Variants in PTPRS observed in about 807,000 individuals in gnomAD.
PTPRS encodes the protein receptor-type tyrosine-protein phosphatase S.
PTPRS carries 63 observed loss-of-function variants against 215.3 expected under a neutral mutation model. The observed-to-expected ratio is 0.29, with a 90% CI of 0.24 to 0.36. The LOEUF is 0.36. PTPRS is among the 10% of genes least tolerant of loss of function. PTPRS has a pLI of 1.00. For missense variants in PTPRS, 2,258 were observed against 2,825.8 expected, an observed-to-expected ratio of 0.80 and a Z score of 4.56; for synonymous variants, 1,404 against 1,191.4, an observed-to-expected ratio of 1.18 and a Z score of -3.68.
At chr19:5,335,387 A>G (rs779776757) in intron 1 of PTPRS, among the ~76,000 whole-genome samples, 17 of 152,226 alleles carry the variant, frequency 1.1e-4, no homozygotes, top group Admixed American at 3.3e-4. Context: ...GCACAGCTCA[A>G]GTGAGGAGGG....
intron 16 of PTPRS, among the ~76,000 whole-genome samples, chr19:5,228,347 G>GGAAAAAAAAAA (rs755255407): frequency 1.1e-4 from 12 of 105,868 alleles, no homozygotes; most frequent in African/African-American, 5.1e-4. Flanking sequence ...TCCGTCTGGA[G>GGAAAAAAAAAA]AAAAAAAAAA....
Position 5,223,131 on chromosome 19 carries a change from C to A in PTPRS, c.2661G>T (p.Glu887Asp). Residue 887 changes from glutamate to aspartate, a missense_variant, in exon 18 of 38, where the codon GAG becomes GAT. By Grantham distance (45) the Glu-to-Asp change is conservative. Coordinates refer to ENST00000262963, the MANE Select transcript of PTPRS (RefSeq NM_002850.4). ...GCACGCCTGATGCCGTGTAGCGGTCCTCGGAGGGCGGGAACTCCAGGGTGG... is the reference window on the plus strand; with the variant it reads ...GCACGCCTGATGCCGTGTAGCGGTCATCGGAGGGCGGGAACTCCAGGGTGG... ...PLATLEFPPSEDRYTASGVHK... is the reference protein window; with the variant it reads ...PLATLEFPPSDDRYTASGVHK... The A allele has an allele frequency of 6.4e-7, 1 of 1,569,814 alleles. No homozygotes were observed. The highest frequency in any genetic ancestry group is 8.6e-7 in the Non-Finnish European group (1 of 1,157,750).
At chr19:5,253,641 A>G (rs1472226597) in intron 9 of PTPRS, among the ~76,000 whole-genome samples, 1 of 152,214 alleles carries the variant, frequency 6.6e-6, no homozygotes, top group Admixed American at 6.5e-5. Flanking sequence ...TGAGATCATG[A>G]GATGAGCTCA....
intron 2 of PTPRS, among the ~76,000 whole-genome samples, chr19:5,276,849 T>A (rs1000752179): frequency 3.3e-5 from 5 of 152,168 alleles, no homozygotes; most frequent in Non-Finnish European, 7.3e-5. Context: ...TGAGTATGCC[T>A]ATTTTAACAT....
In PTPRS at chr19:5,219,560, C is replaced by T. The variant is rs78345343; in HGVS notation, c.3766-93G>A. On this transcript the variant is annotated intron_variant, in intron 22 of 37. Transcript: ENST00000262963. Reference sequence around the variant, plus strand: ...CAAACATGAACCTACGTTTCTCCCCCGCTCTAGATCCTCCTATATTCCTAG... The same window carrying T: ...CAAACATGAACCTACGTTTCTCCCCTGCTCTAGATCCTCCTATATTCCTAG... The T allele has an allele frequency of 7.2e-3, 10,186 of 1,405,126 alleles. 558 individuals are homozygous for T. The African/African-American group carries it at 0.12, about 17-fold the overall frequency. 87.0% of individuals were successfully genotyped at this position (1,405,126 alleles called of 1,614,324 possible). A position where few individuals can be genotyped will look rare whatever the true frequency, so the allele number is the denominator to read the frequency against.
Position 5,221,238 on chromosome 19 carries a change from G to A in PTPRS, c.3217C>T (p.Leu1073Phe), listed in dbSNP as rs138649939. The change falls in exon 20 of 38, where the codon CTC becomes TTC. Residue 1073 changes from leucine to phenylalanine, a missense_variant. Leu to Phe is a conservative substitution (Grantham distance 22). Transcript: ENST00000262963. ...PTPYKIQYNGLTLDVDGRTTK... is the reference protein window; with the variant it reads ...PTPYKIQYNGFTLDVDGRTTK... The stretch of plus-strand genomic sequence containing the variant: ...GTACGGCCATCCACATCCAGTGTGA[G>A]CCCATTGTACTGGATCTGCGGACCA... 3.5e-5 allele frequency: 56 copies of A among 1,613,262 alleles called. No individual in the cohort carries two copies. The highest frequency in any genetic ancestry group is 4.2e-5 in the Non-Finnish European group (50 of 1,179,634).
In PTPRS at chr19:5,338,819, G is replaced by C. The variant is rs1275799521; in HGVS notation, c.-95+1845C>G. On this transcript the variant is annotated intron_variant, in intron 1 of 37. Transcript: ENST00000262963. This position sits in a 1 kb window ranked among gnomAD's most constrained non-coding sequence, Gnocchi z 4.2. Reference sequence around the variant, plus strand: ...GCTGGTATCGCAGGAGCAGAGGAGCGGGATGGCTTCCTTCTCCCGGGCGAA... The same window carrying C: ...GCTGGTATCGCAGGAGCAGAGGAGCCGGATGGCTTCCTTCTCCCGGGCGAA... Among the ~76,000 whole-genome samples the C allele has an allele frequency of 2.0e-5, 3 of 152,160 alleles. No homozygotes were observed. Among genetic ancestry groups the C allele is most frequent in the Non-Finnish European group, 4.4e-5 (3 of 68,028 alleles).
rs1376421933 is a variant in PTPRS at position 5,257,042 on chromosome 19, C to G, written c.707-923G>C. Among the ~76,000 whole-genome samples, 1 of 151,542 alleles carries G rather than the reference C, an allele frequency of 6.6e-6. No individual in the cohort carries two copies. Among genetic ancestry groups the G allele is most frequent in the African/African-American group, 2.4e-5 (1 of 41,200 alleles). On this transcript the variant is annotated intron_variant, in intron 8 of 37. Transcript: ENST00000262963. The surrounding 1 kb of genome is among the most constrained non-coding windows in gnomAD (Gnocchi z 4.4). Reference sequence around the variant, plus strand: ...GGGCGCCCTGGCATCCTGGCAGAAGCTGTTTCTACCACAAATCTGATCAGA... The same window carrying G: ...GGGCGCCCTGGCATCCTGGCAGAAGGTGTTTCTACCACAAATCTGATCAGA...
At chr19:5,272,028 C>T (rs141252928) in intron 4 of PTPRS, among the ~76,000 whole-genome samples, 203 of 152,120 alleles carry the variant, frequency 1.3e-3, no homozygotes, top group African/African-American at 4.8e-3. Flanking sequence ...GTACTCAGCC[C>T]GACTTTAGAG....
In PTPRS at chr19:5,293,340, G is replaced by A. The variant is rs990836262; in HGVS notation, c.-94-7106C>T. 2.6e-5 allele frequency: 4 copies of A among 151,160 alleles called. No homozygotes were observed. Among genetic ancestry groups the A allele is most frequent in the Non-Finnish European group, 5.9e-5 (4 of 67,582 alleles). 9.4% of individuals were successfully genotyped at this position (151,160 alleles called of 1,614,324 possible). A position where few individuals can be genotyped will look rare whatever the true frequency, so the allele number is the denominator to read the frequency against. ...GGGTTGCAGTGGGCGGGGCTGCAGG[G>A]GACGGGCCCCGAGGAGGGGGATTGG... On this transcript the variant is annotated intron_variant, in intron 1 of 37. Coordinates refer to ENST00000262963, the MANE Select transcript of PTPRS (RefSeq NM_002850.4). This position sits in a 1 kb window ranked among gnomAD's most constrained non-coding sequence, Gnocchi z 8.4.
At chr19:5,248,033 G>A (rs1301772441) in intron 9 of PTPRS, among the ~76,000 whole-genome samples, 1 of 148,438 alleles carries the variant, frequency 6.7e-6, no homozygotes, top group Non-Finnish European at 1.5e-5. Flanking sequence ...GGTGCCGTGA[G>A]ATGGGGGGGG....
rs1450450647 is a variant in PTPRS, at chr19:5,295,965, C to T, written c.-94-9731G>A. ...GACATGGGATCTCCCCATGTTGCCC[C>T]GACTGGTCTCGAACTCCTAGACTCA... is the stretch of plus-strand genomic sequence containing the variant. On this transcript the variant is annotated intron_variant, in intron 1 of 37. Transcript: ENST00000262963. This position sits in a 1 kb window ranked among gnomAD's most constrained non-coding sequence, Gnocchi z 4.6. 6.6e-6 allele frequency among the ~76,000 whole-genome samples: 1 copy of T among 152,084 alleles called. No individual in the cohort carries two copies. Among genetic ancestry groups the T allele is most frequent in the Non-Finnish European group, 1.5e-5 (1 of 68,008 alleles).
chr19:5,310,882 TTTTA>T (rs1262337368), intron 1 of PTPRS, among the ~76,000 whole-genome samples: 1 of 151,992 alleles, frequency 6.6e-6, no homozygotes, highest in Non-Finnish European at 1.5e-5. Context: ...ATTTTTGTAT[TTTTA>T]TTTATTATTA....
At position 5,265,111 on chromosome 19, in the gene PTPRS, G is replaced by A. The variant is rs749988275; in HGVS notation, c.465C>T (p.Leu155=). The A allele has an allele frequency of 4.3e-6, 7 of 1,614,094 alleles. No homozygotes were observed. The East Asian group carries it at 1.3e-4, about 31-fold the overall frequency. The change falls in exon 5 of 38, where the codon CTC becomes CTT. Residue 155 remains leucine, a synonymous_variant. Coordinates refer to ENST00000262963, the MANE Select transcript of PTPRS (RefSeq NM_002850.4). ...VVERTRTATM[L]CAASGNPDPE... is the part of the protein sequence containing the mutation. ...GGTCAGGGTTGCCGCTGGCTGCACA[G>A]AGCATGGTGGCTGTCCGTGTCCGCT...
chr19:5,212,299 C>CG (rs2040975716), intron 31 of PTPRS, 38 bp downstream of exon 31: 5 of 1,609,292 alleles, frequency 3.1e-6, no homozygotes, highest in Non-Finnish European at 2.5e-6. Context: ...CTGCGGGGAC[C>CG]GGGGGGAAGC....
intron 7 of PTPRS, among the ~76,000 whole-genome samples, chr19:5,258,432 G>C (rs570580038): frequency 6.6e-6 from 1 of 152,222 alleles, no homozygotes; most frequent in Admixed American, 6.5e-5. Flanking sequence ...CAAAGATGGA[G>C]AAAAGTGTGT....
intron 2 of PTPRS, chr19:5,277,732 T>A: frequency 6.1e-6 from 4 of 660,376 alleles, no homozygotes; most frequent in South Asian, 5.8e-5. Context: ...CTCCTCAGCA[T>A]CATGGCCGCC....
Position 5,240,352 on chromosome 19 carries a change from C to T in PTPRS, c.1571-20G>A, listed in dbSNP as rs745350362. On this transcript the variant is annotated intron_variant, in intron 11 of 37. Transcript: ENST00000262963. ...CCGGCACTGTGGGGGTGCAGGGAGA[C>T]AACTAGGAGTCGGGGAGCGTCCACC... 1 of 1,570,090 alleles carries T rather than the reference C, an allele frequency of 6.4e-7. No homozygotes were observed. Among genetic ancestry groups the T allele is most frequent in the South Asian group, 1.2e-5 (1 of 84,674 alleles).
intron 14 of PTPRS, 123 bp downstream of exon 14, chr19:5,231,187 C>T: frequency 9.1e-7 from 1 of 1,099,108 alleles, no homozygotes; most frequent in Non-Finnish European, 1.3e-6. Context: ...TGCTTGCTTC[C>T]CGACTTCCTC....
Sources: gnomAD v4.1 joint callset for allele counts (sites outside exome capture counted in the v4.1 genomes callset) on GRCh38, gnomAD v4.1.1 for gene constraint, Gnocchi (gnomAD v3.1) non-coding constraint, MANE v1.5 for transcripts, NCBI Gene and HGNC (gene_info 2026-07-23, HGNC 2026-07-21) for gene names.